The following TRPC3 variants were observed in gnomAD, a reference collection of about 807,000 sequenced individuals.
TRPC3 encodes the protein short transient receptor potential channel 3.
A neutral mutation model predicts 90.9 loss-of-function variants in TRPC3; 54 were observed. The observed-to-expected ratio is 0.59, with a 90% CI of 0.48 to 0.75. TRPC3 has a LOEUF of 0.75. TRPC3 is among the 30% of genes least tolerant of loss of function. The pLI, the probability that TRPC3 is intolerant of heterozygous loss-of-function variation, is 0.00. For missense variants in TRPC3, 918 were observed against 1,194.5 expected (o/e 0.77, Z 3.41); for synonymous variants, 424 against 450.9 (o/e 0.94, Z 0.75).
intron 1 of TRPC3, among the ~76,000 whole-genome samples, chr4:121,944,209 T>C (rs1195821436): frequency 1.3e-5 from 2 of 152,108 alleles, no homozygotes; most frequent in Non-Finnish European, 2.9e-5. Context: ...GCAAGACTTC[T>C]GGACAAGCAA....
intron 10 of TRPC3, among the ~76,000 whole-genome samples, chr4:121,891,206 T>C (rs1728316801): frequency 6.6e-6 from 1 of 152,144 alleles, no homozygotes; most frequent in African/African-American, 2.4e-5. Flanking sequence ...TGGAGCAACA[T>C]CTACACATAC....
rs1729996182 is a variant in TRPC3, at chr4:121,932,832, G to A, written c.426C>T (p.Cys142=). The A allele has an allele frequency of 1.9e-6, 3 of 1,609,650 alleles. No homozygotes were observed. The highest frequency in any genetic ancestry group is 1.3e-5 in the African/African-American group (1 of 74,892). The change falls in exon 2 of 12, where the codon TGC becomes TGT. Residue 142 remains cysteine (C), a synonymous_variant. Transcript: ENST00000379645. This position sits in a 1 kb window ranked among gnomAD's most constrained non-coding sequence, Gnocchi z 7.7. The part of the protein sequence containing the change: ...LEESKTLNVN[C]VDYMGQNALQ... ...GCGCGTTCTGGCCCATGTAGTCCAC[G>A]CAGTTGACGTTCAGCGTCTTGGACT...
In TRPC3 at chr4:121,899,437, AT is replaced by A. The variant is rs909202215; in HGVS notation, c.2547+174del. Among the ~76,000 whole-genome samples, 620 of 151,754 alleles carry A rather than the reference AT, an allele frequency of 4.1e-3. 3 individuals are homozygous for A. The highest frequency in any genetic ancestry group is 0.014 in the African/African-American group (587 of 41,470). ...AACATACTATTTTCTTTTATTTTTA[AT>A]TTTTTTTTAAAAAATTTCACAGGTG... On this transcript the variant is annotated intron_variant, in intron 10 of 11. Transcript: ENST00000379645.
chr4:121,879,473 T>G lies in TRPC3; in HGVS notation c.*263A>C. ...GGTAGTGCAAAGATGTGGAGTTTAC[T>G]CTAAAATGAATAAAAGTTTCAATAA... is the stretch of plus-strand genomic sequence containing the variant. On this transcript the variant is annotated 3_prime_UTR_variant, in exon 12 of 12. Coordinates refer to ENST00000379645, the MANE Select transcript of TRPC3 (RefSeq NM_001130698.2). The G allele has an allele frequency of 2.8e-6, 1 of 356,840 alleles. No homozygotes were observed. The highest frequency in any genetic ancestry group is 5.0e-6 in the Non-Finnish European group (1 of 198,910). The allele number at this position is 356,840 out of a possible 1,614,324, so 22.1% of individuals were successfully genotyped here.
intron 3 of TRPC3, among the ~76,000 whole-genome samples, chr4:121,923,234 G>C (rs1292532215): frequency 6.6e-6 from 1 of 152,178 alleles, no homozygotes; most frequent in African/African-American, 2.4e-5. Context: ...GCTGATATGG[G>C]AGCAGCAGAG....
Position 121,925,106 on chromosome 4 carries a change from T to A in TRPC3, c.1088A>T (p.Asp363Val). The change falls in exon 3 of 12, where the codon GAT becomes GTT. Residue 363 changes from aspartate to valine, a missense_variant. Physicochemically the swap from Asp to Val is radical, Grantham distance 152 (BLOSUM62 -3). Transcript: ENST00000379645. ...SEEVEAILNG[D>V]LESAEPLEVH... The stretch of plus-strand genomic sequence containing the variant: ...CTCCAGAGGCTCTGCTGATTCCAGA[T>A]CTCCATTCAGAATGGCTTCTACCTC... 2.5e-6 allele frequency: 4 copies of A among 1,614,124 alleles called. No homozygotes were observed. Among genetic ancestry groups the A allele is most frequent in the Non-Finnish European group, 3.4e-6 (4 of 1,180,016 alleles).
chr4:121,909,725 T>A (rs566735308), intron 6 of TRPC3, among the ~76,000 whole-genome samples: 31 of 152,284 alleles, frequency 2.0e-4, no homozygotes, highest in East Asian at 1.7e-3. Context: ...GAATTACCGT[T>A]CACTTTGCCT....
In TRPC3 at chr4:121,879,746, C is replaced by G; in HGVS notation, c.2756G>C (p.Arg919Thr). ...LSEKLNPSML[R>T]CE is the part of the protein sequence containing the mutation. The stretch of plus-strand genomic sequence containing the variant: ...ATCCAGGTTGCTGCATCATTCACAT[C>G]TCAGCATGCTGGGATTCAGTTTCTC... The change falls in exon 12 of 12, where the codon AGA becomes ACA. Residue 919 changes from arginine to threonine, a missense_variant. Physicochemically the swap from Arg to Thr is moderately conservative, Grantham distance 71. This residue lies in a region of TRPC3 where 41 missense variants were observed against 69.4 expected (regional missense o/e 0.59). Transcript: ENST00000379645. 1 of 1,610,434 alleles carries G rather than the reference C, an allele frequency of 6.2e-7. No homozygotes were observed. The highest frequency in any genetic ancestry group is 8.5e-7 in the Non-Finnish European group (1 of 1,178,778).
rs532190791 is a variant in TRPC3, at chr4:121,875,694, T to C, written c.*4042A>G. On this transcript the variant is annotated 3_prime_UTR_variant, in exon 12 of 12. Transcript: ENST00000379645. Reference sequence around the variant, plus strand: ...GGTGCTAAAGCAACCATTATGAGTATAAGTTAAACAACTTATGGCTAAAAA... The same window carrying C: ...GGTGCTAAAGCAACCATTATGAGTACAAGTTAAACAACTTATGGCTAAAAA... 3.3e-5 allele frequency among the ~76,000 whole-genome samples: 5 copies of C among 152,216 alleles called. No individual in the cohort carries two copies. Among genetic ancestry groups the C allele is most frequent in the Non-Finnish European group, 7.4e-5 (5 of 68,008 alleles).
Position 121,933,161 on chromosome 4 carries a change from G to A in TRPC3, c.216-119C>T, listed in dbSNP as rs79586532. 4.8e-3 allele frequency: 6,658 copies of A among 1,398,916 alleles called. 33 individuals carry two copies. Among genetic ancestry groups the A allele is most frequent in the Middle Eastern group, 0.031 (155 of 4,936 alleles). 86.7% of individuals were successfully genotyped at this position (1,398,916 alleles called of 1,614,324 possible). A position where few individuals can be genotyped will look rare whatever the true frequency, so the allele number is the denominator to read the frequency against. On this transcript the variant is annotated intron_variant, in intron 1 of 11. Coordinates refer to ENST00000379645, the MANE Select transcript of TRPC3 (RefSeq NM_001130698.2). ...CTGCAAACCTCTGGCTGCAGGGGTC[G>A]GCTCAGTTGCTAGCGATACCGTTGC...
At chr4:121,923,716 G>C (rs1328099797) in intron 3 of TRPC3, among the ~76,000 whole-genome samples, 9 of 152,172 alleles carry the variant, frequency 5.9e-5, no homozygotes, top group Admixed American at 2.6e-4. Context: ...CTTGCTCATG[G>C]TCACACAGGA....
At chr4:121,938,784 T>C (rs1293123128) in intron 1 of TRPC3, among the ~76,000 whole-genome samples, 1 of 152,128 alleles carries the variant, frequency 6.6e-6, no homozygotes. Flanking sequence ...TCTTTACACA[T>C]GACAACTATG....
intron 3 of TRPC3, among the ~76,000 whole-genome samples, chr4:121,918,043 G>C (rs1201476740): frequency 6.6e-6 from 1 of 152,222 alleles, no homozygotes; most frequent in Non-Finnish European, 1.5e-5. Flanking sequence ...AGAGTTAACA[G>C]GTGGGGCCTT....
In TRPC3 at chr4:121,877,460, C is replaced by G. The variant is rs541658044; in HGVS notation, c.*2276G>C. On this transcript the variant is annotated 3_prime_UTR_variant, in exon 12 of 12. Coordinates refer to ENST00000379645, the MANE Select transcript of TRPC3 (RefSeq NM_001130698.2). Reference sequence around the variant, plus strand: ...GTGCCCCCACCCATCAGTCACTGGCCATGGGGAGGCGGAGGCATCACATCC... The same window carrying G: ...GTGCCCCCACCCATCAGTCACTGGCGATGGGGAGGCGGAGGCATCACATCC... Among the ~76,000 whole-genome samples the G allele has an allele frequency of 6.6e-6, 1 of 152,250 alleles. No individual in the cohort carries two copies. The highest frequency in any genetic ancestry group is 2.4e-5 in the African/African-American group (1 of 41,542).
intron 6 of TRPC3, among the ~76,000 whole-genome samples, chr4:121,909,705 T>C (rs1729016980): frequency 1.3e-5 from 2 of 152,166 alleles, no homozygotes; most frequent in African/African-American, 4.8e-5. Flanking sequence ...ACCTACTTCC[T>C]GCCTCTGTTG....
At chr4:121,927,324 T>A (rs1385230386) in intron 2 of TRPC3, among the ~76,000 whole-genome samples, 2 of 152,242 alleles carry the variant, frequency 1.3e-5, no homozygotes, top group Non-Finnish European at 2.9e-5. Context: ...TTTGTTCTAA[T>A]GAAGGTGTCA....
chr4:121,893,034 T>C (rs900864580), intron 10 of TRPC3, among the ~76,000 whole-genome samples: 1 of 151,240 alleles, frequency 6.6e-6, no homozygotes, highest in African/African-American at 2.4e-5. Flanking sequence ...GGCAGGAGAA[T>C]TGCTTGAATC....
chr4:121,947,372 C>A (rs1188410002), intron 1 of TRPC3, among the ~76,000 whole-genome samples: 1 of 152,034 alleles, frequency 6.6e-6, no homozygotes, highest in Non-Finnish European at 1.5e-5. Context: ...ATCTGATTCC[C>A]TCCAGGGTTG....
At chr4:121,894,022 T>A (rs1188783443) in intron 10 of TRPC3, among the ~76,000 whole-genome samples, 1 of 152,124 alleles carries the variant, frequency 6.6e-6, no homozygotes, top group East Asian at 1.9e-4. Flanking sequence ...TCCATCAGTT[T>A]GATAATAGCT....
Sources: allele counts gnomAD v4.1 joint callset (sites outside exome capture counted in the v4.1 genomes callset), GRCh38; gene constraint gnomAD v4.1.1; regional missense constraint gnomAD v4.1.1; non-coding constraint Gnocchi (gnomAD v3.1); transcripts MANE v1.5; gene names NCBI Gene and HGNC (gene_info 2026-07-23, HGNC 2026-07-21).